Variants in RNF41 observed in about 807,000 individuals in gnomAD.
RNF41 encodes E3 ubiquitin-protein ligase NRDP1.
A neutral mutation model predicts 33.0 loss-of-function variants in RNF41; 4 were observed. The ratio of observed to expected loss-of-function variants is 0.12; its 90% CI spans 0.06 to 0.28. The LOEUF (loss-of-function observed/expected upper bound fraction) is 0.28. RNF41 is among the 10% of genes least tolerant of loss of function. The probability of loss-of-function intolerance (pLI) is 1.00; values close to 1 mark genes in which losing one functional copy is unlikely to be tolerated. For missense variants in RNF41, 228 were observed against 432.6 expected (o/e 0.53, Z 4.19); for synonymous variants, 164 against 153.2 (o/e 1.07, Z -0.52).
chr12:56,207,300 T>A, intron 6 of RNF41: 1 of 1,344,376 alleles, frequency 7.4e-7, no homozygotes. Context: ...CTTCTCTGGG[T>A]TGTAAGCTAC....
intron 3 of RNF41, among the ~76,000 whole-genome samples, chr12:56,211,118 G>A (rs1868444531): frequency 6.6e-6 from 1 of 152,144 alleles, no homozygotes; most frequent in African/African-American, 2.4e-5. Flanking sequence ...CCAGGAGGTG[G>A]AGGTTGCAGT....
intron 1 of RNF41, among the ~76,000 whole-genome samples, chr12:56,221,141 TCCTCCC>T (rs1426735756): frequency 1.3e-5 from 2 of 151,962 alleles, no homozygotes; most frequent in Non-Finnish European, 2.9e-5. Context: ...TCTAGCCCCC[TCCTCCC>T]CACTACCCAA....
At chr12:56,215,010 G>A (rs1386328115) in intron 2 of RNF41, among the ~76,000 whole-genome samples, 1 of 152,158 alleles carries the variant, frequency 6.6e-6, no homozygotes, top group Non-Finnish European at 1.5e-5. Context: ...AGGACTGGGC[G>A]TCACCAGAAA....
chr12:56,218,858 C>A (rs1346381297), intron 1 of RNF41, among the ~76,000 whole-genome samples: 1 of 151,590 alleles, frequency 6.6e-6, no homozygotes, highest in Non-Finnish European at 1.5e-5. Context: ...CATGTGCCAC[C>A]ATGCTGAGCT....
chr12:56,211,000 C>T, intron 3 of RNF41, among the ~76,000 whole-genome samples: 1 of 152,174 alleles, frequency 6.6e-6, no homozygotes, highest in Non-Finnish European at 1.5e-5. Context: ...GCCTGACCGA[C>T]ATGGTGAAAC....
At position 56,206,682 on chromosome 12, in the gene RNF41, G is replaced by C. The variant is rs764491492; in HGVS notation, c.719C>G (p.Ala240Gly). ...TTCAATCAGCTCGTTGACAATAGAA[G>C]CAGGACAGCCACTCTCCACCAGGGA... ...KRSLVESGCP[A>G]SIVNELIENA... Residue 240 changes from alanine (A) to glycine (G), a missense_variant, in exon 7 of 7, where the codon GCT becomes GGT. Physicochemically the swap from Ala to Gly is moderately conservative, Grantham distance 60. Transcript: ENST00000345093. The surrounding 1 kb of genome is among the most constrained non-coding windows in gnomAD (Gnocchi z 5.7). 2 of 1,614,136 alleles carry C rather than the reference G, an allele frequency of 1.2e-6. No individual in the cohort carries two copies. Among genetic ancestry groups the C allele is most frequent in the Non-Finnish European group, 1.7e-6 (2 of 1,180,026 alleles).
In RNF41 at chr12:56,206,107, T is replaced by C; in HGVS notation, c.*340A>G. The C allele has an allele frequency of 4.0e-6, 1 of 247,176 alleles. No individual in the cohort carries two copies. Among genetic ancestry groups the C allele is most frequent in the Non-Finnish European group, 7.9e-6 (1 of 126,870 alleles). 15.3% of individuals were successfully genotyped at this position (247,176 alleles called of 1,614,324 possible). ...AGGGACGATTAGAGATTCCTTCCTC[T>C]GTCCTGATCCTCCAGGGAAATTGAA... On this transcript the variant is annotated 3_prime_UTR_variant, in exon 7 of 7. Coordinates refer to ENST00000345093, the MANE Select transcript of RNF41 (RefSeq NM_005785.4). The surrounding 1 kb of genome is among the most constrained non-coding windows in gnomAD (Gnocchi z 5.7).
rs745782221 is a variant in RNF41 at position 56,213,124 on chromosome 12, G to A, written c.90+834C>T. 8.9e-4 allele frequency: 1,147 copies of A among 1,287,108 alleles called. 1 individual carries two copies. Among genetic ancestry groups the A allele is most frequent in the Non-Finnish European group, 1.1e-3 (1,059 of 987,532 alleles). The allele number at this position is 1,287,108 out of a possible 1,614,324, so 79.7% of individuals were successfully genotyped here. A position where few individuals can be genotyped will look rare whatever the true frequency, so the allele number is the denominator to read the frequency against. ...ACATCAAAATGCAGAGTGCATGGCT[G>A]TATCAAAAGCTGGTCTTTTCAGTAG... On this transcript the variant is annotated intron_variant, in intron 3 of 6. Transcript: ENST00000345093.
chr12:56,217,303 T>C (rs530283304), intron 1 of RNF41, among the ~76,000 whole-genome samples: 15 of 152,116 alleles, frequency 9.9e-5, no homozygotes, highest in South Asian at 8.3e-4. Flanking sequence ...TCCCAGCACT[T>C]TGGGAGGCCG....
In RNF41 at chr12:56,205,687, C is replaced by T. The variant is rs1161757367; in HGVS notation, c.*760G>A. On this transcript the variant is annotated 3_prime_UTR_variant, in exon 7 of 7. Coordinates refer to ENST00000345093, the MANE Select transcript of RNF41 (RefSeq NM_005785.4). ...GAGGGGTCTATGGAACAATTATGGC[C>T]TGTGCCACAAGAGGCAGTGCCAACC... The T allele has an allele frequency of 5.9e-5, 9 of 152,526 alleles. No homozygotes were observed. Among genetic ancestry groups the T allele is most frequent in the Non-Finnish European group, 1.0e-4 (7 of 68,048 alleles). The allele number at this position is 152,526 out of a possible 1,614,324, so 9.4% of individuals were successfully genotyped here. A position where few individuals can be genotyped will look rare whatever the true frequency, so the allele number is the denominator to read the frequency against.
At chr12:56,209,372 A>G (rs1868346628) in intron 4 of RNF41, among the ~76,000 whole-genome samples, 1 of 147,860 alleles carries the variant, frequency 6.8e-6, no homozygotes, top group African/African-American at 2.5e-5. Flanking sequence ...GCTCACTACA[A>G]CCTCTACCTC....
chr12:56,218,698 T>A (rs1869098353), intron 1 of RNF41, among the ~76,000 whole-genome samples: 1 of 148,390 alleles, frequency 6.7e-6, no homozygotes, highest in Admixed American at 6.8e-5. Flanking sequence ...ATATTTATTA[T>A]ATATATATAT....
intron 3 of RNF41, 47 bp from the exon 4 acceptor site, chr12:56,210,615 C>T (rs1205684517): frequency 1.3e-6 from 2 of 1,522,042 alleles, no homozygotes; most frequent in Non-Finnish European, 1.8e-6. Context: ...ATTAGCAGGA[C>T]CTAAGAGCCT....
chr12:56,212,509 A>T (rs1868555357), intron 3 of RNF41, among the ~76,000 whole-genome samples: 1 of 152,106 alleles, frequency 6.6e-6, no homozygotes, highest in South Asian at 2.1e-4. Context: ...TCACCTTTCC[A>T]TAAGTGACTT....
intron 1 of RNF41, among the ~76,000 whole-genome samples, chr12:56,219,148 G>A (rs552452499): frequency 1.3e-5 from 2 of 151,674 alleles, no homozygotes; most frequent in South Asian, 2.1e-4. Flanking sequence ...TGGGATCACA[G>A]GCATGTGTCA....
At chr12:56,207,589 C>T (rs1479381110) in intron 6 of RNF41, 57 bp downstream of exon 6, 2 of 1,307,366 alleles carry the variant, frequency 1.5e-6, no homozygotes, top group Non-Finnish European at 2.2e-6. Flanking sequence ...TGCTCTTCCT[C>T]CTTTCAGGCC....
At chr12:56,219,277 C>T (rs1297244386) in intron 1 of RNF41, among the ~76,000 whole-genome samples, 4 of 151,338 alleles carry the variant, frequency 2.6e-5, no homozygotes, top group African/African-American at 7.3e-5. Flanking sequence ...CTACAAGTTC[C>T]GCCTCCCAGG....
Position 56,204,485 on chromosome 12 carries a change from G to A in RNF41, c.*1962C>T, listed in dbSNP as rs1878747145. On this transcript the variant is annotated 3_prime_UTR_variant, in exon 7 of 7. Coordinates refer to ENST00000345093, the MANE Select transcript of RNF41 (RefSeq NM_005785.4). ...AGAGGGGAAACCTTCTCAAGAAAGGGAGTAATGCTGAAGAATTTAGAGAGT... is the reference window on the plus strand; with the variant it reads ...AGAGGGGAAACCTTCTCAAGAAAGGAAGTAATGCTGAAGAATTTAGAGAGT... The A allele has an allele frequency of 6.6e-6, 1 of 152,278 alleles. No homozygotes were observed. The highest frequency in any genetic ancestry group is 6.5e-5 in the Admixed American group (1 of 15,280). 9.4% of individuals were successfully genotyped at this position (152,278 alleles called of 1,614,324 possible). A position where few individuals can be genotyped will look rare whatever the true frequency, so the allele number is the denominator to read the frequency against.
chr12:56,213,856 A>G (rs1868659326), intron 3 of RNF41, 102 bp downstream of exon 3: 2 of 803,940 alleles, frequency 2.5e-6, no homozygotes, highest in Non-Finnish European at 4.4e-6. Context: ...GGTGGAGAGA[A>G]GAACACAGTG....
Sources: allele counts gnomAD v4.1 joint callset (sites outside exome capture counted in the v4.1 genomes callset), GRCh38; gene constraint gnomAD v4.1.1; non-coding constraint Gnocchi (gnomAD v3.1); transcripts MANE v1.5; gene names NCBI Gene and HGNC (gene_info 2026-07-23, HGNC 2026-07-21).